The following MAF variants were observed in gnomAD, a reference collection of about 807,000 sequenced individuals.
The protein encoded by MAF is MAF bZIP transcription factor, also known as transcription factor Maf.
In MAF, 10 loss-of-function variants were observed where a neutral mutation model predicts 22.0. That is an observed-to-expected ratio of 0.45 (90% CI 0.28 to 0.77). The LOEUF (loss-of-function observed/expected upper bound fraction) is 0.77. MAF is among the 30% of genes least tolerant of loss of function. The pLI is 0.12. For missense variants in MAF, 544 were observed against 548.4 expected (o/e 0.99, Z 0.08); for synonymous variants, 337 against 255.8 (o/e 1.32, Z -3.03).
At chr16:79,565,569 G>A in the MAF span, among the ~76,000 whole-genome samples, 1 of 151,982 alleles carries the variant, frequency 6.6e-6, no homozygotes. Context: ...TGCTGTTCTT[G>A]TGATAGTGAG....
the MAF span, among the ~76,000 whole-genome samples, chr16:79,457,978 C>A: frequency 6.6e-6 from 1 of 152,048 alleles, no homozygotes; most frequent in African/African-American, 2.4e-5. Context: ...AAACTCACAA[C>A]CTTTCTTATC....
chr16:79,358,515 C>T, the MAF span, among the ~76,000 whole-genome samples: 3 of 152,190 alleles, frequency 2.0e-5, no homozygotes, highest in Non-Finnish European at 4.4e-5. Flanking sequence ...GCCTGGATAG[C>T]TCCCGGGGCA....
chr16:79,224,616 G>A, the MAF span, among the ~76,000 whole-genome samples: 404 of 152,236 alleles, frequency 2.7e-3, 4 homozygotes, highest in African/African-American at 9.1e-3. Flanking sequence ...AAACCCTATC[G>A]TCTCAGCCCA....
the MAF span, among the ~76,000 whole-genome samples, chr16:79,371,977 A>G: frequency 6.6e-6 from 1 of 152,358 alleles, no homozygotes; most frequent in South Asian, 2.1e-4. Context: ...TGTGGCCATG[A>G]AAAAGAAAAT....
At chr16:79,458,640 T>C in the MAF span, among the ~76,000 whole-genome samples, 1 of 152,202 alleles carries the variant, frequency 6.6e-6, no homozygotes. Context: ...ACAATAAGCA[T>C]GAATTGTCCT....
At chr16:79,255,368 C>T in the MAF span, among the ~76,000 whole-genome samples, 2 of 152,314 alleles carry the variant, frequency 1.3e-5, no homozygotes, top group African/African-American at 4.8e-5. Context: ...AAGAAGAGCT[C>T]TCTGCTCGTT....
At chr16:79,392,373 GAAGGA>G in the MAF span, among the ~76,000 whole-genome samples, 2 of 150,070 alleles carry the variant, frequency 1.3e-5, no homozygotes, top group African/African-American at 4.9e-5. Context: ...GAGACAGGGA[GAAGGA>G]AAGGAAAGGG....
At chr16:79,450,521 C>G in the MAF span, among the ~76,000 whole-genome samples, 1 of 152,164 alleles carries the variant, frequency 6.6e-6, no homozygotes, top group African/African-American at 2.4e-5. Flanking sequence ...TTCCCCCAAC[C>G]CCCTGGCCTG....
At chr16:79,233,030 CTG>C in the MAF span, among the ~76,000 whole-genome samples, 1 of 151,682 alleles carries the variant, frequency 6.6e-6, no homozygotes, top group Non-Finnish European at 1.5e-5. Flanking sequence ...TTAGTAGAGA[CTG>C]GGTGTCACCG....
chr16:79,320,812 C>T, the MAF span, among the ~76,000 whole-genome samples: 138,444 of 152,286 alleles, frequency 0.91, 63,359 homozygotes, highest in Non-Finnish European at 0.96. Flanking sequence ...TTGCTATAGC[C>T]CTGTGTTAAG....
At chr16:79,379,635 G>A in the MAF span, among the ~76,000 whole-genome samples, 4 of 152,220 alleles carry the variant, frequency 2.6e-5, no homozygotes, top group African/African-American at 9.7e-5. Flanking sequence ...TTTATCAAGA[G>A]TGGTCAAGAG....
At chr16:79,567,542 G>A in the MAF span, among the ~76,000 whole-genome samples, 2 of 151,978 alleles carry the variant, frequency 1.3e-5, no homozygotes, top group Admixed American at 6.5e-5. Flanking sequence ...AATGATATTA[G>A]CAAACTAGTT....
At chr16:79,509,641 C>G in the MAF span, among the ~76,000 whole-genome samples, 1 of 152,242 alleles carries the variant, frequency 6.6e-6, no homozygotes. Flanking sequence ...TTGGCCAAGG[C>G]CTGCGTTACC....
chr16:79,562,139 G>T, the MAF span, among the ~76,000 whole-genome samples: 1 of 152,196 alleles, frequency 6.6e-6, no homozygotes, highest in South Asian at 2.1e-4. Flanking sequence ...ACATAATCCT[G>T]CTCATCCCTA....
chr16:79,222,200 A>G, the MAF span, among the ~76,000 whole-genome samples: 2 of 152,234 alleles, frequency 1.3e-5, no homozygotes, highest in African/African-American at 2.4e-5. Context: ...ATTAAAGAAA[A>G]GAATTTTCAA....
chr16:79,360,105 G>A, the MAF span, among the ~76,000 whole-genome samples: 1 of 152,128 alleles, frequency 6.6e-6, no homozygotes, highest in African/African-American at 2.4e-5. Context: ...TGGAACACAG[G>A]GAGCTGTCCA....
chr16:79,493,897 C>T, the MAF span, among the ~76,000 whole-genome samples: 9 of 150,674 alleles, frequency 6.0e-5, no homozygotes, highest in Admixed American at 2.0e-4. Flanking sequence ...GATGTGTATT[C>T]ATGGAACTGG....
chr16:79,565,380 G>C, the MAF span, among the ~76,000 whole-genome samples: 1 of 152,146 alleles, frequency 6.6e-6, no homozygotes, highest in Non-Finnish European at 1.5e-5. Flanking sequence ...TACAGAAAAG[G>C]TCTGCTGACC....
chr16:79,316,434 T>A, the MAF span, among the ~76,000 whole-genome samples: 1 of 152,202 alleles, frequency 6.6e-6, no homozygotes, highest in Non-Finnish European at 1.5e-5. Flanking sequence ...GACATACACC[T>A]GCTCTAGCGC....
Sources: allele counts gnomAD v4.1 joint callset (sites outside exome capture counted in the v4.1 genomes callset), GRCh38; gene constraint gnomAD v4.1.1; transcripts MANE v1.5; gene names NCBI Gene and HGNC (gene_info 2026-07-23, HGNC 2026-07-21).